Variants in OPCML observed in about 807,000 individuals in gnomAD.
The protein encoded by OPCML is opioid binding protein/cell adhesion molecule like, also known as opioid-binding protein/cell adhesion molecule.
A neutral mutation model predicts 37.8 loss-of-function variants in OPCML; 13 were observed. That is an observed-to-expected ratio of 0.34 (90% CI 0.22 to 0.55). The LOEUF (loss-of-function observed/expected upper bound fraction) is 0.55, where lower values mean the gene tolerates loss of function less well. Among genes scored for constraint, OPCML ranks in the 20% least tolerant of loss-of-function variants. The probability of loss-of-function intolerance (pLI) is 0.91; values close to 1 mark genes in which losing one functional copy is unlikely to be tolerated. For synonymous variants in OPCML, 176 were observed against 168.8 expected (o/e 1.04, Z -0.33); for missense variants, 341 against 435.6 (o/e 0.78, Z 1.93).
chr11:132,941,903 A>T (rs1380203573), intron 2 of OPCML, among the ~76,000 whole-genome samples: 1 of 152,164 alleles, frequency 6.6e-6, no homozygotes, highest in South Asian at 2.1e-4. Context: ...AAGCCAAGGG[A>T]GGAACAGGAA....
In OPCML at chr11:132,943,101, G is replaced by A. The variant is rs1170566039; in HGVS notation, c.62-91C>T. On this transcript the variant is annotated intron_variant, in intron 1 of 7. Coordinates refer to ENST00000524381, the MANE Select transcript of OPCML (RefSeq NM_001012393.5). The surrounding 1 kb of genome is among the most constrained non-coding windows in gnomAD (Gnocchi z 4.3). ...TACCCACAGACCCCCATTCTCGACA[G>A]CCACAACTTCCCAGGACTCCGGCAG... 1 of 1,614,074 alleles carries A rather than the reference G, an allele frequency of 6.2e-7. No individual in the cohort carries two copies. The highest frequency in any genetic ancestry group is 1.7e-5 in the Admixed American group (1 of 60,030).
intron 1 of OPCML, among the ~76,000 whole-genome samples, chr11:133,482,281 T>C (rs986392352): frequency 1.3e-5 from 2 of 151,946 alleles, no homozygotes; most frequent in Non-Finnish European, 2.9e-5. Flanking sequence ...TGAGAGGAAA[T>C]GGGAGTTTGA....
At chr11:133,217,217 G>C (rs539577321) in intron 1 of OPCML, among the ~76,000 whole-genome samples, 1 of 152,222 alleles carries the variant, frequency 6.6e-6, no homozygotes, top group Non-Finnish European at 1.5e-5. Context: ...AGCCTCTCTT[G>C]GTCAGACGTT....
chr11:132,742,750 A>C (rs1945474527), intron 2 of OPCML, among the ~76,000 whole-genome samples: 1 of 148,594 alleles, frequency 6.7e-6, no homozygotes, highest in African/African-American at 2.4e-5. Flanking sequence ...TATATATATT[A>C]TATACTTATA....
intron 1 of OPCML, among the ~76,000 whole-genome samples, chr11:132,949,077 T>C (rs1028892678): frequency 4.6e-5 from 7 of 152,182 alleles, no homozygotes; most frequent in Non-Finnish European, 8.8e-5. Context: ...GGCAAAGAGT[T>C]GTAAAGAACC....
At chr11:132,731,304 C>A (rs1945067797) in intron 2 of OPCML, among the ~76,000 whole-genome samples, 1 of 152,128 alleles carries the variant, frequency 6.6e-6, no homozygotes, top group Admixed American at 6.5e-5. Flanking sequence ...TGAATATGGA[C>A]CCAAACCAAA....
chr11:133,355,798 G>A (rs1463889580), intron 1 of OPCML, among the ~76,000 whole-genome samples: 1 of 152,200 alleles, frequency 6.6e-6, no homozygotes, highest in Non-Finnish European at 1.5e-5. Context: ...ATAGATTTCA[G>A]TCAAATCCAG....
chr11:133,256,808 G>A (rs1941325856), intron 1 of OPCML, among the ~76,000 whole-genome samples: 1 of 152,194 alleles, frequency 6.6e-6, no homozygotes, highest in African/African-American at 2.4e-5. Flanking sequence ...GTTTGGGAGT[G>A]ACTGGTATTC....
intron 1 of OPCML, chr11:133,009,214 G>T (rs958205292): frequency 1.0e-6 from 1 of 985,334 alleles, no homozygotes; most frequent in Non-Finnish European, 1.2e-6. Flanking sequence ...TATAGTCCCT[G>T]ATCTCAGGGA....
At chr11:133,284,131 T>C (rs1251780585) in intron 1 of OPCML, among the ~76,000 whole-genome samples, 1 of 152,200 alleles carries the variant, frequency 6.6e-6, no homozygotes, top group Non-Finnish European at 1.5e-5. Context: ...TTTATGTTCT[T>C]ACATTGAGAA....
At chr11:132,879,062 A>C (rs1313741489) in intron 2 of OPCML, among the ~76,000 whole-genome samples, 3 of 152,348 alleles carry the variant, frequency 2.0e-5, no homozygotes, top group Admixed American at 6.5e-5. Flanking sequence ...CCTGTTTCAC[A>C]TGGCTCAGTG....
chr11:133,140,522 T>TAAGAAGAAGAAGAAGAAG lies in OPCML; in HGVS notation c.62-197513_62-197512insCTTCTTCTTCTTCTTCTT, dbSNP rs1296215663. Among the ~76,000 whole-genome samples, 38 of 59,450 alleles carry TAAGAAGAAGAAGAAGAAG rather than the reference T, an allele frequency of 6.4e-4. 1 individual carries two copies. Among genetic ancestry groups the TAAGAAGAAGAAGAAGAAG allele is most frequent in the East Asian group, 5.6e-3 (9 of 1,610 alleles). The allele number at this position is 59,450 out of a possible 152,430, so 39.0% of individuals were successfully genotyped here. On this transcript the variant is annotated intron_variant, in intron 1 of 7. Transcript: ENST00000524381. Reference sequence around the variant, plus strand: ...AAGAGACTCTGTCTCAAAATAATAATAATAATAATAAGAAGAAGAAGAAGA... The same window carrying TAAGAAGAAGAAGAAGAAG: ...AAGAGACTCTGTCTCAAAATAATAATAAGAAGAAGAAGAAGAAGAATAATAATAAGAAGAAGAAGAAGA...
rs75342404 is a variant in OPCML, at chr11:133,080,960, G to A, written c.62-137950C>T. 7.2e-5 allele frequency among the ~76,000 whole-genome samples: 11 copies of A among 152,248 alleles called. No homozygotes were observed. In the East Asian group the frequency reaches 1.2e-3, roughly 16 times the overall value. Reference sequence around the variant, plus strand: ...GTGAGTGGAAGAGTGGGGGTGAAGCGTGCATGGTGGGGAAAGGGGCTTACC... The same window carrying A: ...GTGAGTGGAAGAGTGGGGGTGAAGCATGCATGGTGGGGAAAGGGGCTTACC... On this transcript the variant is annotated intron_variant, in intron 1 of 7. Transcript: ENST00000524381.
At chr11:133,005,351 GTAGACACATACAGCAA>G in intron 1 of OPCML, 1 of 985,402 alleles carries the variant, frequency 1.0e-6, no homozygotes, top group South Asian at 4.7e-5. Flanking sequence ...TAAATGTGAT[GTAGACACATACAGCAA>G]ATGCCGTTTC....
intron 3 of OPCML, among the ~76,000 whole-genome samples, chr11:132,558,429 C>G (rs1454059908): frequency 1.7e-5 from 1 of 57,684 alleles, no homozygotes; most frequent in African/African-American, 7.8e-5. Flanking sequence ...TCCTCCTCCT[C>G]CCCTCCTCCC....
chr11:132,882,478 T>C (rs1301672949), intron 2 of OPCML, among the ~76,000 whole-genome samples: 1 of 152,160 alleles, frequency 6.6e-6, no homozygotes, highest in African/African-American at 2.4e-5. Context: ...CCTCTCTTAT[T>C]GAGATTTATA....
intron 1 of OPCML, among the ~76,000 whole-genome samples, chr11:133,434,423 T>C (rs995839031): frequency 1.3e-5 from 2 of 150,740 alleles, no homozygotes; most frequent in Non-Finnish European, 3.0e-5. Flanking sequence ...ATTGAATATA[T>C]ATCAGACCTT....
At chr11:133,028,294 G>A (rs989959722) in intron 1 of OPCML, among the ~76,000 whole-genome samples, 2 of 152,082 alleles carry the variant, frequency 1.3e-5, no homozygotes, top group African/African-American at 4.8e-5. Context: ...GTCAGGCACT[G>A]TGGCAGCCTG....
chr11:133,247,520 T>C (rs1490950940), intron 1 of OPCML, among the ~76,000 whole-genome samples: 3 of 150,840 alleles, frequency 2.0e-5, no homozygotes, highest in Admixed American at 6.6e-5. Flanking sequence ...GTTTTCTTTT[T>C]TCTTTCTTTC....
Sources: allele counts gnomAD v4.1 joint callset (sites outside exome capture counted in the v4.1 genomes callset), GRCh38; gene constraint gnomAD v4.1.1; non-coding constraint Gnocchi (gnomAD v3.1); transcripts MANE v1.5; gene names NCBI Gene and HGNC (gene_info 2026-07-23, HGNC 2026-07-21).